The following ATG10 variants were observed in gnomAD, a reference collection of about 807,000 sequenced individuals.
ATG10 encodes the protein autophagy related 10.
Under a neutral mutation model 32.1 loss-of-function variants are expected in ATG10, and 30 were observed. The observed-to-expected ratio is 0.94, with a 90% CI of 0.70 to 1.27. ATG10 has a LOEUF of 1.27. Ranked by LOEUF, ATG10 falls within the 50% of genes most tolerant of loss-of-function variation. The pLI, the probability that ATG10 is intolerant of heterozygous loss-of-function variation, is 0.00. For synonymous variants in ATG10, 87 were observed against 91.5 expected, an observed-to-expected ratio of 0.95 and a Z score of 0.28; for missense variants, 233 against 262.3, an observed-to-expected ratio of 0.89 and a Z score of 0.77.
rs148570836 is a variant in ATG10 at position 82,041,572 on chromosome 5, A to G, written c.109-16923A>G. ...ATTAAGAAAATAGAAAAAGGCTCCTAAAAAGATACAGAAATAGATCTAAAC... is the reference window on the plus strand; with the variant it reads ...ATTAAGAAAATAGAAAAAGGCTCCTGAAAAGATACAGAAATAGATCTAAAC... On this transcript the variant is annotated intron_variant, in intron 2 of 7. Transcript: ENST00000282185. Among the ~76,000 whole-genome samples, 795 of 152,328 alleles carry G rather than the reference A, an allele frequency of 5.2e-3. 5 individuals are homozygous for G. The highest frequency in any genetic ancestry group is 0.015 in the African/African-American group (642 of 41,586).
intron 3 of ATG10, among the ~76,000 whole-genome samples, chr5:82,119,321 G>T (rs1173301722): frequency 6.6e-6 from 1 of 152,012 alleles, no homozygotes; most frequent in Non-Finnish European, 1.5e-5. Flanking sequence ...CACTTTTAAA[G>T]CAATTAAAAG....
chr5:82,100,077 C>T (rs140252253), intron 3 of ATG10, among the ~76,000 whole-genome samples: 3,775 of 121,050 alleles, frequency 0.031, 75 homozygotes, highest in Middle Eastern at 0.09. Context: ...GGTGTGATCT[C>T]GGCTTACTGT....
At chr5:81,984,415 T>TGGGGAG (rs1761192587) in intron 1 of ATG10, among the ~76,000 whole-genome samples, 1 of 152,004 alleles carries the variant, frequency 6.6e-6, no homozygotes. Flanking sequence ...AGGGAGACCG[T>TGGGGAG]GGGGAGAGGG....
intron 5 of ATG10, among the ~76,000 whole-genome samples, chr5:82,191,025 C>G (rs1002499671): frequency 6.6e-6 from 1 of 151,888 alleles, no homozygotes; most frequent in Non-Finnish European, 1.5e-5. Flanking sequence ...TTAGATATTC[C>G]CATATCAATC....
intron 5 of ATG10, among the ~76,000 whole-genome samples, chr5:82,193,124 T>C (rs1264300492): frequency 6.6e-6 from 1 of 152,148 alleles, no homozygotes; most frequent in Non-Finnish European, 1.5e-5. Flanking sequence ...ATAGTGCTTC[T>C]CCCCCAACCG....
chr5:82,105,831 C>T (rs1476152652), intron 3 of ATG10, among the ~76,000 whole-genome samples: 1 of 152,090 alleles, frequency 6.6e-6, no homozygotes, highest in Non-Finnish European at 1.5e-5. Flanking sequence ...ACTGCAGTGG[C>T]TAAACCCTTG....
At position 81,987,638 on chromosome 5, in the gene ATG10, C is replaced by T. The variant is rs537214370; in HGVS notation, c.68C>T (p.Ser23Leu). 1 of 1,612,806 alleles carries T rather than the reference C, an allele frequency of 6.2e-7. No individual in the cohort carries two copies. Among genetic ancestry groups the T allele is most frequent in the East Asian group, 2.2e-5 (1 of 44,800 alleles). ...QRYCAEFIKHSQQIGDSWEWR... is the reference protein window; with the variant it reads ...QRYCAEFIKHLQQIGDSWEWR... Reference sequence around the variant, plus strand: ...TATTGTGCAGAATTCATTAAACATTCACAACAGATAGGTGATAGTTGGGAA... The same window carrying T: ...TATTGTGCAGAATTCATTAAACATTTACAACAGATAGGTGATAGTTGGGAA... The change falls in exon 2 of 8, where the codon TCA becomes TTA. Residue 23 changes from serine (S) to leucine (L), a missense_variant. By Grantham distance (145) the Ser-to-Leu change is moderately radical. Coordinates refer to ENST00000282185, the MANE Select transcript of ATG10 (RefSeq NM_031482.5).
At chr5:82,244,453 T>C (rs1379674338) in intron 5 of ATG10, among the ~76,000 whole-genome samples, 1 of 152,142 alleles carries the variant, frequency 6.6e-6, no homozygotes, top group Admixed American at 6.6e-5. Flanking sequence ...AAAGAGTTAC[T>C]GTGGTAGGTG....
intron 2 of ATG10, among the ~76,000 whole-genome samples, chr5:81,998,662 T>G (rs1561247099): frequency 6.6e-6 from 1 of 151,926 alleles, no homozygotes; most frequent in Admixed American, 6.6e-5. Context: ...TGCAGTGACA[T>G]CCATAGGCTC....
Position 82,141,652 on chromosome 5 carries a change from A to T in ATG10, c.217-22747A>T, listed in dbSNP as rs540508867. Reference sequence around the variant, plus strand: ...CAACAAATATAGCTTACTTTAGATAAAAAAAAAAGGAAAATAATAATGAGT... The same window carrying T: ...CAACAAATATAGCTTACTTTAGATATAAAAAAAAGGAAAATAATAATGAGT... On this transcript the variant is annotated intron_variant, in intron 3 of 7. Coordinates refer to ENST00000282185, the MANE Select transcript of ATG10 (RefSeq NM_031482.5). Among the ~76,000 whole-genome samples the T allele has an allele frequency of 7.3e-5, 11 of 150,962 alleles. No individual in the cohort carries two copies. In the South Asian group the frequency reaches 1.7e-3, roughly 23 times the overall value.
intron 3 of ATG10, among the ~76,000 whole-genome samples, chr5:82,090,705 T>G (rs888018617): frequency 1.3e-5 from 2 of 152,314 alleles, no homozygotes; most frequent in South Asian, 4.1e-4. Context: ...ATCAGTGCAC[T>G]GCACTGTATC....
At chr5:81,993,370 T>TCCTTCC (rs771784374) in intron 2 of ATG10, among the ~76,000 whole-genome samples, 30 of 32,380 alleles carry the variant, frequency 9.3e-4, no homozygotes, top group Non-Finnish European at 1.5e-3. Context: ...CTTCTTTTCT[T>TCCTTCC]TTCTTTTCTT....
At chr5:82,233,954 A>G (rs1460373375) in intron 5 of ATG10, among the ~76,000 whole-genome samples, 1 of 152,192 alleles carries the variant, frequency 6.6e-6, no homozygotes, top group Admixed American at 6.5e-5. Context: ...CAGCTTATAC[A>G]CCATTTTAAC....
At chr5:82,062,803 G>A (rs996224200) in intron 3 of ATG10, among the ~76,000 whole-genome samples, 2 of 152,088 alleles carry the variant, frequency 1.3e-5, no homozygotes, top group Non-Finnish European at 2.9e-5. Flanking sequence ...ACAAGTGAGA[G>A]TGACTCTCAC....
chr5:82,238,267 T>A (rs1303611262), intron 5 of ATG10, among the ~76,000 whole-genome samples: 2 of 152,172 alleles, frequency 1.3e-5, no homozygotes, highest in Non-Finnish European at 2.9e-5. Flanking sequence ...TCCCTCCGAA[T>A]GGTGAAATTA....
intron 2 of ATG10, among the ~76,000 whole-genome samples, chr5:82,007,416 T>A (rs1466969153): frequency 6.6e-6 from 1 of 152,214 alleles, no homozygotes; most frequent in Non-Finnish European, 1.5e-5. Context: ...AATATTTCTA[T>A]CAGAATATAA....
intron 3 of ATG10, among the ~76,000 whole-genome samples, chr5:82,146,020 T>C (rs1241041813): frequency 2.0e-5 from 3 of 152,194 alleles, no homozygotes; most frequent in Admixed American, 2.0e-4. Flanking sequence ...CATTATAGTC[T>C]TTAATATTTA....
chr5:82,112,616 A>T (rs993888192), intron 3 of ATG10, among the ~76,000 whole-genome samples: 1 of 151,832 alleles, frequency 6.6e-6, no homozygotes, highest in Non-Finnish European at 1.5e-5. Context: ...TATATGCATG[A>T]TTTATTGGAC....
intron 2 of ATG10, among the ~76,000 whole-genome samples, chr5:81,990,295 TCC>T (rs1017041436): frequency 7.9e-5 from 12 of 152,346 alleles, no homozygotes; most frequent in African/African-American, 2.9e-4. Flanking sequence ...GTGTGATTAT[TCC>T]TTGGGGACTT....
Sources: allele counts gnomAD v4.1 joint callset (sites outside exome capture counted in the v4.1 genomes callset), GRCh38; gene constraint gnomAD v4.1.1; transcripts MANE v1.5; gene names NCBI Gene and HGNC (gene_info 2026-07-23, HGNC 2026-07-21).